The following DLGAP1 variants were observed in gnomAD, a reference collection of about 807,000 sequenced individuals.
DLGAP1 encodes disks large-associated protein 1.
DLGAP1 carries 11 observed loss-of-function variants against 90.8 expected under a neutral mutation model. The ratio of observed to expected loss-of-function variants is 0.12; its 90% confidence interval spans 0.08 to 0.20. DLGAP1 has a LOEUF of 0.20. DLGAP1 is among the 10% of genes least tolerant of loss of function. The probability of loss-of-function intolerance (pLI) is 1.00; values close to 1 mark genes in which losing one functional copy is unlikely to be tolerated. For missense variants in DLGAP1, 1,050 were observed against 1,333.8 expected (o/e 0.79, Z 3.31); for synonymous variants, 558 against 540.7 (o/e 1.03, Z -0.44).
At chr18:4,222,616 G>C (rs1478874241) in intron 1 of DLGAP1, among the ~76,000 whole-genome samples, 1 of 151,934 alleles carries the variant, frequency 6.6e-6, no homozygotes, top group Non-Finnish European at 1.5e-5. Context: ...AGTATATTGA[G>C]TAAAAATATC....
intron 1 of DLGAP1, among the ~76,000 whole-genome samples, chr18:4,368,424 T>C (rs1235182530): frequency 6.6e-6 from 1 of 152,110 alleles, no homozygotes; most frequent in South Asian, 2.1e-4. Flanking sequence ...CTCTCTAAAA[T>C]GTGGGCGGAC....
intron 3 of DLGAP1, among the ~76,000 whole-genome samples, chr18:3,888,554 T>TAAA (rs35335361): frequency 7.1e-6 from 1 of 141,256 alleles, no homozygotes; most frequent in African/African-American, 2.6e-5. Flanking sequence ...ATGGTATTGT[T>TAAA]AAAAAAAAAA....
chr18:4,065,198 T>C (rs1249412139), intron 2 of DLGAP1, among the ~76,000 whole-genome samples: 1 of 152,124 alleles, frequency 6.6e-6, no homozygotes, highest in Non-Finnish European at 1.5e-5. Flanking sequence ...AAGCAACATA[T>C]ATAATAAACT....
intron 3 of DLGAP1, among the ~76,000 whole-genome samples, chr18:3,956,692 G>A (rs781296345): frequency 6.6e-6 from 1 of 151,982 alleles, no homozygotes; most frequent in Non-Finnish European, 1.5e-5. Flanking sequence ...TGTCACCCAG[G>A]CTGGATGGAG....
At chr18:3,575,912 A>G (rs1438022162) in intron 8 of DLGAP1, among the ~76,000 whole-genome samples, 1 of 152,204 alleles carries the variant, frequency 6.6e-6, no homozygotes, top group Non-Finnish European at 1.5e-5. Flanking sequence ...AGGTGCTCCC[A>G]TAAGAACATA....
In DLGAP1 at chr18:3,775,424, A is replaced by T. The variant is rs1368997241; in HGVS notation, c.1173-32912T>A. ...AAGAGATCTGGTTGTTTGAATGCGT[A>T]TAGCACTTCCCCCTTCATTCTTTCT... On this transcript the variant is annotated intron_variant, in intron 5 of 12. Coordinates refer to ENST00000315677, the MANE Select transcript of DLGAP1 (RefSeq NM_004746.4). This position sits in a 1 kb window ranked among gnomAD's most constrained non-coding sequence, Gnocchi z 4.9. Among the ~76,000 whole-genome samples, 3 of 152,146 alleles carry T rather than the reference A, an allele frequency of 2.0e-5. No individual in the cohort carries two copies. Among genetic ancestry groups the T allele is most frequent in the Non-Finnish European group, 2.9e-5 (2 of 68,026 alleles).
intron 3 of DLGAP1, among the ~76,000 whole-genome samples, chr18:3,959,436 G>T (rs1195616146): frequency 6.6e-6 from 1 of 152,078 alleles, no homozygotes; most frequent in Non-Finnish European, 1.5e-5. Flanking sequence ...GAAGGCCGAG[G>T]TGGGCAGATC....
intron 1 of DLGAP1, among the ~76,000 whole-genome samples, chr18:4,440,536 C>T (rs2083511074): frequency 6.6e-6 from 1 of 152,080 alleles, no homozygotes; most frequent in Non-Finnish European, 1.5e-5. Context: ...AAGTTTATAT[C>T]CTTCCTAAGT....
intron 1 of DLGAP1, among the ~76,000 whole-genome samples, chr18:4,424,281 T>C (rs1219951471): frequency 6.6e-6 from 1 of 152,202 alleles, no homozygotes; most frequent in Non-Finnish European, 1.5e-5. Context: ...GAATATTAAA[T>C]AGGGAACTAA....
intron 7 of DLGAP1, among the ~76,000 whole-genome samples, chr18:3,593,403 G>C (rs986607921): frequency 2.0e-5 from 3 of 152,160 alleles, no homozygotes; most frequent in African/African-American, 7.2e-5. Flanking sequence ...AAAGCGTGGC[G>C]GTCAGTGGTG....
At chr18:3,963,555 C>T (rs117672543) in intron 3 of DLGAP1, among the ~76,000 whole-genome samples, 3 of 148,420 alleles carry the variant, frequency 2.0e-5, no homozygotes, top group Non-Finnish European at 3.0e-5. Context: ...ACCTTTGAAG[C>T]TCCATTCTCT....
rs145832131 is a variant in DLGAP1, at chr18:3,697,805, T to C, written c.1591+31330A>G. Among the ~76,000 whole-genome samples, 661 of 152,268 alleles carry C rather than the reference T, an allele frequency of 4.3e-3. 10 individuals carry two copies. The highest frequency in any genetic ancestry group is 0.015 in the African/African-American group (638 of 41,550). Reference sequence around the variant, plus strand: ...GGGGTGTTTAAGTCTCCCACTATTATTGTGTGGAAGCCTAAGTCTCTTTGT... The same window carrying C: ...GGGGTGTTTAAGTCTCCCACTATTACTGTGTGGAAGCCTAAGTCTCTTTGT... On this transcript the variant is annotated intron_variant, in intron 7 of 12. Transcript: ENST00000315677.
At chr18:4,438,986 T>G (rs1443743664) in intron 1 of DLGAP1, among the ~76,000 whole-genome samples, 2 of 152,188 alleles carry the variant, frequency 1.3e-5, no homozygotes, top group East Asian at 3.9e-4. Flanking sequence ...AATGTCACGT[T>G]AGGAAGAGGA....
intron 7 of DLGAP1, among the ~76,000 whole-genome samples, chr18:3,602,070 A>C (rs903390176): frequency 2.6e-5 from 4 of 152,092 alleles, no homozygotes; most frequent in African/African-American, 9.7e-5. Flanking sequence ...ATAATTTTGC[A>C]CTACAGGGTG....
At chr18:4,120,630 C>G (rs2076137331) in intron 2 of DLGAP1, among the ~76,000 whole-genome samples, 4 of 152,154 alleles carry the variant, frequency 2.6e-5, no homozygotes, top group Non-Finnish European at 1.5e-5. Flanking sequence ...AATTGCCCAC[C>G]ATTTCCACTG....
At position 3,935,827 on chromosome 18, in the gene DLGAP1, C is replaced by T. The variant is rs190809733; in HGVS notation, c.-72-55687G>A. Among the ~76,000 whole-genome samples the T allele has an allele frequency of 3.0e-3, 451 of 152,306 alleles. 2 individuals carry two copies. Among genetic ancestry groups the T allele is most frequent in the South Asian group, 5.0e-3 (24 of 4,822 alleles). ...TAGTGTTGAGAATACAGGTTTGAAA[C>T]GAGCTCTCATTCGAAAGTCTAAGCC... On this transcript the variant is annotated intron_variant, in intron 3 of 12. Transcript: ENST00000315677.
At chr18:4,312,199 A>G (rs1213683795) in intron 1 of DLGAP1, among the ~76,000 whole-genome samples, 1 of 152,208 alleles carries the variant, frequency 6.6e-6, no homozygotes, top group African/African-American at 2.4e-5. Context: ...ATTCAGTAAT[A>G]AGAGTTTGCC....
chr18:4,037,619 G>C (rs1258429696), intron 2 of DLGAP1, among the ~76,000 whole-genome samples: 1 of 152,164 alleles, frequency 6.6e-6, no homozygotes, highest in African/African-American at 2.4e-5. Context: ...AGTGTCCCCA[G>C]ATTGAAACTC....
intron 1 of DLGAP1, among the ~76,000 whole-genome samples, chr18:4,219,393 T>C (rs2078030078): frequency 6.6e-6 from 1 of 152,120 alleles, no homozygotes; most frequent in Non-Finnish European, 1.5e-5. Flanking sequence ...CCTTATCAGA[T>C]ATATGGTTGG....
Sources: gnomAD v4.1 joint callset for allele counts (sites outside exome capture counted in the v4.1 genomes callset) on GRCh38, gnomAD v4.1.1 for gene constraint, Gnocchi (gnomAD v3.1) non-coding constraint, MANE v1.5 for transcripts, NCBI Gene and HGNC (gene_info 2026-07-23, HGNC 2026-07-21) for gene names.